RCC2: variants seen among roughly 807,000 people sequenced by gnomAD.
RCC2 encodes regulator of chromosome condensation 2, also known as protein RCC2.
A neutral mutation model predicts 64.1 loss-of-function variants in RCC2; 19 were observed. The ratio of observed to expected loss-of-function variants is 0.30; its 90% CI spans 0.21 to 0.44. The LOEUF is 0.44. Among genes scored for constraint, RCC2 ranks in the 20% least tolerant of loss-of-function variants. RCC2 has a pLI of 1.00. For synonymous variants in RCC2, 325 were observed against 279.6 expected (o/e 1.16, Z -1.62); for missense variants, 508 against 710.4 (o/e 0.72, Z 3.24).
chr1:17,439,658 T>C lies in RCC2; in HGVS notation c.-122A>G, dbSNP rs955765870. The C allele has an allele frequency of 6.7e-6, 1 of 149,224 alleles. No individual in the cohort carries two copies. The highest frequency in any genetic ancestry group is 2.4e-5 in the African/African-American group (1 of 41,014). 9.2% of individuals were successfully genotyped at this position (149,224 alleles called of 1,614,324 possible). ...CGAGGGCTCCAGCCCACTCACCAGATACACTTAAAATGTAAATACGAGCTT... is the reference window on the plus strand; with the variant it reads ...CGAGGGCTCCAGCCCACTCACCAGACACACTTAAAATGTAAATACGAGCTT... On this transcript the variant is annotated 5_prime_UTR_variant, in exon 1 of 13. Transcript: ENST00000375436.
At position 17,413,101 on chromosome 1, in the gene RCC2, C is replaced by G. The variant is rs755366965; in HGVS notation, c.1285G>C (p.Gly429Arg). ...CAAGCCAGGCTCCGGATTCTCCAGC[C>G]GCAGAGGTCCTGCACTGCTTTTGGG... ...MYPKAVQDLC[G>R]WRIRSLACGK... Residue 429 changes from glycine (G) to arginine (R), a missense_variant, in exon 10 of 13, where the codon GGC becomes CGC. Gly to Arg is a moderately radical substitution (Grantham distance 125). Transcript: ENST00000375436. The G allele has an allele frequency of 6.2e-7, 1 of 1,614,016 alleles. No individual in the cohort carries two copies. The highest frequency in any genetic ancestry group is 8.5e-7 in the Non-Finnish European group (1 of 1,179,994).
intron 7 of RCC2, 81 bp downstream of exon 7, chr1:17,420,633 G>T: frequency 1.2e-6 from 1 of 810,344 alleles, no homozygotes; most frequent in Non-Finnish European, 1.9e-6. Context: ...TTTCTAACAC[G>T]TGTGTGCAGC....
chr1:17,413,870 C>T (rs915349541), intron 8 of RCC2, among the ~76,000 whole-genome samples, 153 bp from the exon 9 acceptor site: 1 of 152,246 alleles, frequency 6.6e-6, no homozygotes, highest in South Asian at 2.1e-4. Flanking sequence ...CGGTGGTTCA[C>T]ATCTAATCCC....
Position 17,429,331 on chromosome 1 carries a change from G to C in RCC2, c.286-132C>G, listed in dbSNP as rs182802510. The C allele has an allele frequency of 1.6e-5, 11 of 697,610 alleles. No individual in the cohort carries two copies. The East Asian group carries it at 2.4e-4, about 15-fold the overall frequency. 43.2% of individuals were successfully genotyped at this position (697,610 alleles called of 1,614,324 possible). Reference sequence around the variant, plus strand: ...CTTATGTCACCTGTGACCTCCACACGAACAGAGTCTCCCCACACTCCCCTC... The same window carrying C: ...CTTATGTCACCTGTGACCTCCACACCAACAGAGTCTCCCCACACTCCCCTC... On this transcript the variant is annotated intron_variant, in intron 2 of 12. Coordinates refer to ENST00000375436, the MANE Select transcript of RCC2 (RefSeq NM_018715.4).
intron 7 of RCC2, among the ~76,000 whole-genome samples, chr1:17,418,237 C>G (rs1179444329): frequency 7.3e-6 from 1 of 136,866 alleles, no homozygotes; most frequent in Non-Finnish European, 1.5e-5. Context: ...TTTTTTGAGA[C>G]AGAGTCTCGC....
intron 6 of RCC2, 110 bp downstream of exon 6, chr1:17,422,093 C>G: frequency 1.4e-6 from 1 of 719,020 alleles, no homozygotes; most frequent in Non-Finnish European, 2.3e-6. Flanking sequence ...CATCCAGACC[C>G]TGTTTTTACA....
In RCC2 at chr1:17,407,279, G is replaced by A. The variant is rs954864817; in HGVS notation, c.*1811C>T. ...CGTCCTCAACCCTCTCGGTGACCACGGCTCAAAGGAGAGACCTCAAGGGTG... is the reference window on the plus strand; with the variant it reads ...CGTCCTCAACCCTCTCGGTGACCACAGCTCAAAGGAGAGACCTCAAGGGTG... On this transcript the variant is annotated 3_prime_UTR_variant, in exon 13 of 13. Coordinates refer to ENST00000375436, the MANE Select transcript of RCC2 (RefSeq NM_018715.4). 1 of 152,096 alleles carries A rather than the reference G, an allele frequency of 6.6e-6. No homozygotes were observed. The highest frequency in any genetic ancestry group is 1.5e-5 in the Non-Finnish European group (1 of 68,020). 9.4% of individuals were successfully genotyped at this position (152,096 alleles called of 1,614,324 possible). A position where few individuals can be genotyped will look rare whatever the true frequency, so the allele number is the denominator to read the frequency against.
chr1:17,412,307 C>T (rs1480881398), intron 10 of RCC2, 113 bp from the exon 11 acceptor site: 1 of 893,200 alleles, frequency 1.1e-6, no homozygotes, highest in Non-Finnish European at 1.8e-6. Context: ...CGTACTCATT[C>T]CAAGTAGCAA....
intron 12 of RCC2, 34 bp downstream of exon 12, chr1:17,409,940 A>T: frequency 1.3e-6 from 2 of 1,571,200 alleles, no homozygotes; most frequent in South Asian, 1.1e-5. Flanking sequence ...GGGTACGGAC[A>T]CGTCCCCGAG....
rs1412123615 is a variant in RCC2 at position 17,416,470 on chromosome 1, C to T, written c.1026+10G>A. ...GCGACTCTCAGGAAGTGAGAAAAGC[C>T]GAGCCTCACCGTGTGGTTAGCGCCA... On this transcript the variant is annotated intron_variant, in intron 8 of 12. Transcript: ENST00000375436. The T allele has an allele frequency of 1.9e-6, 3 of 1,600,812 alleles. No homozygotes were observed. Among genetic ancestry groups the T allele is most frequent in the African/African-American group, 1.3e-5 (1 of 74,782 alleles).
intron 11 of RCC2, among the ~76,000 whole-genome samples, chr1:17,410,723 CT>C (rs2075415308): frequency 6.6e-6 from 1 of 152,176 alleles, no homozygotes; most frequent in Non-Finnish European, 1.5e-5. Flanking sequence ...CCACATGTCC[CT>C]GGTTTCATCT....
chr1:17,417,173 C>T (rs6586539), intron 7 of RCC2, among the ~76,000 whole-genome samples: 96,005 of 151,998 alleles, frequency 0.63, 30,401 homozygotes, highest in South Asian at 0.69. Flanking sequence ...CGTATGGTTA[C>T]GGGTGGCTAA....
chr1:17,411,856 C>T (rs981674783), intron 11 of RCC2, among the ~76,000 whole-genome samples: 2 of 152,162 alleles, frequency 1.3e-5, no homozygotes, highest in African/African-American at 4.8e-5. Context: ...CTGTGGTTTA[C>T]AAAATGTGAG....
intron 8 of RCC2, 37 bp from the exon 9 acceptor site, chr1:17,413,754 A>T: frequency 6.4e-7 from 1 of 1,572,522 alleles, no homozygotes; most frequent in Non-Finnish European, 8.7e-7. Flanking sequence ...GAACAAACAG[A>T]CTTCCAACAG....
chr1:17,427,085 C>T (rs1235681507), intron 3 of RCC2, among the ~76,000 whole-genome samples: 4 of 152,182 alleles, frequency 2.6e-5, no homozygotes, highest in Non-Finnish European at 5.9e-5. Flanking sequence ...AATTGAGATG[C>T]TCAAGAGTAT....
At chr1:17,433,420 C>T (rs540938618) in intron 2 of RCC2, among the ~76,000 whole-genome samples, 28 of 152,278 alleles carry the variant, frequency 1.8e-4, no homozygotes, top group Non-Finnish European at 3.1e-4. Flanking sequence ...CCACCCGGGG[C>T]GGCGGGGCAG....
chr1:17,429,806 T>C (rs1189243669), intron 2 of RCC2, among the ~76,000 whole-genome samples: 3 of 152,190 alleles, frequency 2.0e-5, no homozygotes, highest in Non-Finnish European at 4.4e-5. Flanking sequence ...CTCATGCCGC[T>C]GTCCATGAGC....
intron 2 of RCC2, among the ~76,000 whole-genome samples, chr1:17,431,359 A>ATAAATATATATATAT (rs1265674393): frequency 2.2e-5 from 1 of 44,938 alleles, no homozygotes; most frequent in Non-Finnish European, 3.8e-5. Context: ...AAAAAAAAAA[A>ATAAATATATATATAT]ATATATATAT....
At chr1:17,425,075 C>T (rs1283108717) in intron 4 of RCC2, among the ~76,000 whole-genome samples, 3 of 152,128 alleles carry the variant, frequency 2.0e-5, no homozygotes, top group African/African-American at 4.8e-5. Context: ...ACCTCAGACA[C>T]GAGGGCCATG....
Sources: allele counts gnomAD v4.1 joint callset (sites outside exome capture counted in the v4.1 genomes callset), GRCh38; gene constraint gnomAD v4.1.1; transcripts MANE v1.5; gene names NCBI Gene and HGNC (gene_info 2026-07-23, HGNC 2026-07-21).